DKK2: variants seen among roughly 807,000 people sequenced by gnomAD.
DKK2 encodes the protein dickkopf Wnt signaling pathway inhibitor 2.
A neutral mutation model predicts 28.1 loss-of-function variants in DKK2; 11 were observed. The ratio of observed to expected loss-of-function variants is 0.39; its 90% CI spans 0.25 to 0.65. The LOEUF is 0.65. DKK2 is among the 30% of genes least tolerant of loss of function. DKK2 has a pLI of 0.47. For missense variants in DKK2, 326 were observed against 335.5 expected, an observed-to-expected ratio of 0.97 and a Z score of 0.22; for synonymous variants, 135 against 126.5, an observed-to-expected ratio of 1.07 and a Z score of -0.45.
chr4:107,028,317 C>G (rs1471536636), intron 1 of DKK2, among the ~76,000 whole-genome samples: 1 of 151,408 alleles, frequency 6.6e-6, no homozygotes, highest in African/African-American at 2.4e-5. Flanking sequence ...AGTTTAGTCA[C>G]CCCTGCCCAA....
At chr4:106,983,329 G>GACGAAAGGAAGA (rs1560585797) in intron 1 of DKK2, among the ~76,000 whole-genome samples, 2 of 57,768 alleles carry the variant, frequency 3.5e-5, no homozygotes, top group African/African-American at 8.8e-5. Flanking sequence ...AGAAAGAAAG[G>GACGAAAGGAAGA]AAGAAAGGAA....
intron 1 of DKK2, among the ~76,000 whole-genome samples, chr4:106,972,905 A>G (rs538641068): frequency 7.9e-5 from 12 of 152,104 alleles, no homozygotes; most frequent in African/African-American, 2.9e-4. Context: ...CCACCCCACT[A>G]CAGGCCCCAG....
chr4:107,031,806 G>T (rs1251219726), intron 1 of DKK2, among the ~76,000 whole-genome samples: 4 of 151,958 alleles, frequency 2.6e-5, no homozygotes, highest in Non-Finnish European at 5.9e-5. Flanking sequence ...AGAAAAATAT[G>T]TGAATTGCAA....
At chr4:106,940,934 A>C (rs934723830) in intron 1 of DKK2, among the ~76,000 whole-genome samples, 1 of 151,992 alleles carries the variant, frequency 6.6e-6, no homozygotes. Context: ...CAGGAAGGGG[A>C]ATATCACACT....
intron 1 of DKK2, among the ~76,000 whole-genome samples, chr4:106,928,189 A>T (rs1724450598): frequency 6.6e-6 from 1 of 152,188 alleles, no homozygotes; most frequent in African/African-American, 2.4e-5. Flanking sequence ...TGGGGTGCAC[A>T]GTAGCCTTAT....
intron 1 of DKK2, among the ~76,000 whole-genome samples, chr4:107,005,556 G>T (rs2110366855): frequency 6.6e-6 from 1 of 152,084 alleles, no homozygotes; most frequent in South Asian, 2.1e-4. Context: ...TTCTGATGGT[G>T]CTCCGACATC....
chr4:106,958,852 A>AAAG (rs1722645871), intron 1 of DKK2, among the ~76,000 whole-genome samples: 1 of 147,562 alleles, frequency 6.8e-6, no homozygotes, highest in Non-Finnish European at 1.5e-5. Context: ...AAAAAAAAAA[A>AAAG]AAAGAAAGAA....
chr4:106,924,519 A>G (rs767191866), intron 3 of DKK2, 26 bp downstream of exon 3: 4 of 1,587,212 alleles, frequency 2.5e-6, no homozygotes, highest in Middle Eastern at 1.7e-4. Flanking sequence ...ATTTTAAAAA[A>G]ACCCCAGAAC....
Position 107,035,893 on chromosome 4 carries a change from A to G in DKK2, c.-302T>C, listed in dbSNP as rs1723958115. The G allele has an allele frequency of 2.3e-6, 1 of 433,390 alleles. No homozygotes were observed. The highest frequency in any genetic ancestry group is 4.2e-6 in the Non-Finnish European group (1 of 235,644). 26.8% of individuals were successfully genotyped at this position (433,390 alleles called of 1,614,324 possible). ...GGAGGCGTGACCCAAGGTGCAAGAA[A>G]ACCCAGCCCTGTGGATCGCACCGCT... On this transcript the variant is annotated 5_prime_UTR_variant, in exon 1 of 4. Transcript: ENST00000285311.
At chr4:106,956,553 G>C (rs1418117737) in intron 1 of DKK2, among the ~76,000 whole-genome samples, 7 of 152,092 alleles carry the variant, frequency 4.6e-5, no homozygotes, top group African/African-American at 1.5e-4. Flanking sequence ...CCAAAACGGA[G>C]ATATAGATCA....
chr4:106,922,063 G>A lies in DKK2; in HGVS notation c.*1891C>T, dbSNP rs1388723966. The A allele has an allele frequency of 6.6e-6, 1 of 152,538 alleles. No individual in the cohort carries two copies. Among genetic ancestry groups the A allele is most frequent in the Admixed American group, 6.6e-5 (1 of 15,258 alleles). The allele number at this position is 152,538 out of a possible 1,614,324, so 9.4% of individuals were successfully genotyped here. On this transcript the variant is annotated 3_prime_UTR_variant, in exon 4 of 4. Transcript: ENST00000285311. ...TATATAGGAAATGTTTGATTGAAAT[G>A]TTCCATTTTCATTTCACCAAGCTTA...
chr4:106,983,375 G>GAAAAGAAAGAAAAGA (rs1723063529), intron 1 of DKK2, among the ~76,000 whole-genome samples: 2 of 115,096 alleles, frequency 1.7e-5, no homozygotes, highest in Admixed American at 8.8e-5. Flanking sequence ...AAAGAAGAAA[G>GAAAAGAAAGAAAAGA]AAAAGAAAGA....
intron 1 of DKK2, among the ~76,000 whole-genome samples, chr4:106,983,819 C>T (rs1310222895): frequency 6.6e-6 from 1 of 152,138 alleles, no homozygotes; most frequent in East Asian, 1.9e-4. Flanking sequence ...GACATTTCAT[C>T]TAAGAAGATA....
At chr4:106,983,371 G>GAAAGA (rs2110359069) in intron 1 of DKK2, among the ~76,000 whole-genome samples, 1 of 128,726 alleles carries the variant, frequency 7.8e-6, no homozygotes, top group South Asian at 2.5e-4. Flanking sequence ...AAAGAAAGAA[G>GAAAGA]AAAGAAAAGA....
chr4:106,925,741 G>T, intron 2 of DKK2, 58 bp downstream of exon 2: 2 of 1,536,090 alleles, frequency 1.3e-6, no homozygotes, highest in South Asian at 1.3e-5. Context: ...TGACTTGAGA[G>T]ACAGGCTTAT....
chr4:107,019,759 A>G (rs965028469), intron 1 of DKK2, among the ~76,000 whole-genome samples: 1 of 152,028 alleles, frequency 6.6e-6, no homozygotes. Context: ...CTTTCCATGC[A>G]TCTTAACTAC....
At chr4:106,996,253 T>C (rs942421892) in intron 1 of DKK2, among the ~76,000 whole-genome samples, 19 of 152,180 alleles carry the variant, frequency 1.2e-4, no homozygotes, top group East Asian at 1.9e-4. Flanking sequence ...ATTTTTAAAA[T>C]AGTATACAAT....
intron 1 of DKK2, among the ~76,000 whole-genome samples, chr4:106,951,196 T>C (rs866354013): frequency 1.6e-4 from 24 of 152,130 alleles, no homozygotes; most frequent in Admixed American, 7.9e-4. Flanking sequence ...AATATATGTA[T>C]ATCTCTATAT....
intron 1 of DKK2, among the ~76,000 whole-genome samples, chr4:106,976,507 C>A (rs1722948022): frequency 1.3e-5 from 2 of 152,088 alleles, no homozygotes; most frequent in South Asian, 4.1e-4. Flanking sequence ...CCTTCTTTGT[C>A]TTTTTTGATC....
Sources: allele counts gnomAD v4.1 joint callset (sites outside exome capture counted in the v4.1 genomes callset), GRCh38; gene constraint gnomAD v4.1.1; transcripts MANE v1.5; gene names NCBI Gene and HGNC (gene_info 2026-07-23, HGNC 2026-07-21).